The following RAB5A variants were observed in gnomAD, a reference collection of about 807,000 sequenced individuals.
RAB5A encodes RAB5A, member RAS oncogene family, also known as ras-related protein Rab-5A.
In RAB5A, 8 loss-of-function variants were observed where a neutral mutation model predicts 25.7. The observed-to-expected ratio is 0.31, with a 90% CI of 0.18 to 0.56. The LOEUF (loss-of-function observed/expected upper bound fraction) is 0.56. Ranked by LOEUF, RAB5A falls within the 20% of genes least tolerant of loss-of-function variation. The probability of loss-of-function intolerance (pLI) is 0.91; values close to 1 mark genes in which losing one functional copy is unlikely to be tolerated. For synonymous variants in RAB5A, 98 were observed against 89.8 expected, an observed-to-expected ratio of 1.09 and a Z score of -0.52; for missense variants, 192 against 259.7, an observed-to-expected ratio of 0.74 and a Z score of 1.79.
rs2125175065 is a variant in RAB5A, at chr3:19,947,385, A to T, written c.-230A>T. 1 of 158,608 alleles carries T rather than the reference A, an allele frequency of 6.3e-6. No homozygotes were observed. Among genetic ancestry groups the T allele is most frequent in the African/African-American group, 2.4e-5 (1 of 41,282 alleles). 9.8% of individuals were successfully genotyped at this position (158,608 alleles called of 1,614,324 possible). On this transcript the variant is annotated 5_prime_UTR_variant, in exon 1 of 6. Transcript: ENST00000273047. ...CACGAGCCCCGCACAGTCCAGTGTG[A>T]GGGGAGCGGCGCTAAGAGCAGGCGA...
chr3:19,958,396 A>G (rs1046975025), intron 2 of RAB5A, among the ~76,000 whole-genome samples: 1 of 152,140 alleles, frequency 6.6e-6, no homozygotes, highest in Non-Finnish European at 1.5e-5. Context: ...TTATTCCCCA[A>G]TTTCTTAGGT....
chr3:19,974,101 G>A (rs777483518), intron 2 of RAB5A, among the ~76,000 whole-genome samples: 12 of 152,012 alleles, frequency 7.9e-5, no homozygotes, highest in Non-Finnish European at 1.3e-4. Flanking sequence ...AGCAGAGGGC[G>A]GTCTAATGGC....
intron 2 of RAB5A, among the ~76,000 whole-genome samples, chr3:19,961,005 A>C (rs1328560731): frequency 2.6e-5 from 4 of 152,228 alleles, no homozygotes; most frequent in African/African-American, 9.6e-5. Context: ...GCCAGAATAT[A>C]TTCCACCTAG....
At chr3:19,953,833 C>T (rs1038441713) in intron 2 of RAB5A, among the ~76,000 whole-genome samples, 6 of 152,186 alleles carry the variant, frequency 3.9e-5, no homozygotes, top group African/African-American at 1.4e-4. Context: ...GCTCTGTACT[C>T]ATAGCTCTTC....
intron 2 of RAB5A, among the ~76,000 whole-genome samples, chr3:19,958,039 CTG>C (rs1252164575): frequency 6.6e-6 from 1 of 152,132 alleles, no homozygotes; most frequent in African/African-American, 2.4e-5. Context: ...TAATTATAAT[CTG>C]TGCATTTATT....
intron 2 of RAB5A, among the ~76,000 whole-genome samples, chr3:19,962,424 C>T (rs553772761): frequency 2.7e-5 from 4 of 149,848 alleles, no homozygotes; most frequent in South Asian, 2.1e-4. Flanking sequence ...AAAAATTAAC[C>T]GGGCATGGTG....
At chr3:19,971,313 A>C (rs1021039026) in intron 2 of RAB5A, among the ~76,000 whole-genome samples, 2 of 152,144 alleles carry the variant, frequency 1.3e-5, no homozygotes, top group East Asian at 3.9e-4. Context: ...GGGCTACACT[A>C]TTCCAGTAAT....
chr3:19,962,461 G>T (rs1371316521), intron 2 of RAB5A, among the ~76,000 whole-genome samples: 1 of 70,504 alleles, frequency 1.4e-5, no homozygotes, highest in Non-Finnish European at 3.6e-5. Flanking sequence ...CCAGTTACTC[G>T]GGAAGGCTGA....
At chr3:19,951,837 T>A (rs184499823) in intron 2 of RAB5A, among the ~76,000 whole-genome samples, 2 of 151,644 alleles carry the variant, frequency 1.3e-5, no homozygotes, top group Non-Finnish European at 2.9e-5. Context: ...GAGATGCATA[T>A]GTAAGAATGC....
intron 2 of RAB5A, among the ~76,000 whole-genome samples, chr3:19,969,044 G>GT (rs746635502): frequency 0.017 from 1,117 of 65,510 alleles, 49 homozygotes; most frequent in South Asian, 0.034. Flanking sequence ...TTTTTTTTTT[G>GT]GTTTTTTTTT....
At chr3:19,965,064 G>A (rs1696641614) in intron 2 of RAB5A, among the ~76,000 whole-genome samples, 1 of 151,964 alleles carries the variant, frequency 6.6e-6, no homozygotes, top group Admixed American at 6.6e-5. Context: ...TGGGATTGCA[G>A]GTGCATGCCA....
chr3:19,963,844 G>A (rs1364910476), intron 2 of RAB5A, among the ~76,000 whole-genome samples: 1 of 152,204 alleles, frequency 6.6e-6, no homozygotes, highest in Admixed American at 6.5e-5. Context: ...TTGCTATGTT[G>A]CCCAGGCTGG....
At chr3:19,980,704 A>G (rs745562554) in intron 5 of RAB5A, among the ~76,000 whole-genome samples, 1 of 152,162 alleles carries the variant, frequency 6.6e-6, no homozygotes, top group Non-Finnish European at 1.5e-5. Flanking sequence ...TTTGTGTCCC[A>G]GGTACCAGTG....
intron 4 of RAB5A, among the ~76,000 whole-genome samples, chr3:19,977,366 G>A (rs564803957): frequency 6.6e-6 from 1 of 152,262 alleles, no homozygotes; most frequent in South Asian, 2.1e-4. Flanking sequence ...GAGCCACCAC[G>A]CCCGGCATAC....
At chr3:19,958,307 T>C (rs935343676) in intron 2 of RAB5A, among the ~76,000 whole-genome samples, 11 of 152,224 alleles carry the variant, frequency 7.2e-5, no homozygotes, top group Admixed American at 6.5e-4. Context: ...ATTTGAGAGG[T>C]TGTTACCCAG....
intron 5 of RAB5A, chr3:19,979,021 G>A (rs1429790331): frequency 1.3e-5 from 2 of 151,874 alleles, no homozygotes; most frequent in African/African-American, 2.4e-5. Context: ...CTGTCGCCCA[G>A]GCTGGAGTGC....
At chr3:19,980,467 G>A (rs987271044) in intron 5 of RAB5A, among the ~76,000 whole-genome samples, 1 of 92,346 alleles carries the variant, frequency 1.1e-5, no homozygotes, top group Non-Finnish European at 2.3e-5. Flanking sequence ...TTTTTTTTTT[G>A]TTATGAAGGA....
intron 4 of RAB5A, 120 bp from the exon 5 acceptor site, chr3:19,978,190 G>T: frequency 1.4e-6 from 1 of 730,186 alleles, no homozygotes; most frequent in South Asian, 1.5e-5. Context: ...GATTATAGAT[G>T]ATTATAGGAA....
chr3:19,982,479 A>G (rs1380160534), intron 5 of RAB5A, among the ~76,000 whole-genome samples: 2 of 152,158 alleles, frequency 1.3e-5, no homozygotes, highest in East Asian at 3.9e-4. Flanking sequence ...GTTCATTCTC[A>G]AAAATGCAAC....
Sources: allele counts gnomAD v4.1 joint callset (sites outside exome capture counted in the v4.1 genomes callset), GRCh38; gene constraint gnomAD v4.1.1; transcripts MANE v1.5; gene names NCBI Gene and HGNC (gene_info 2026-07-23, HGNC 2026-07-21).